FGF14: variants seen among roughly 807,000 people sequenced by gnomAD.
FGF14 encodes fibroblast growth factor 14, also known as fibroblast growth factor homologous factor 4.
FGF14 carries 5 observed loss-of-function variants against 25.5 expected under a neutral mutation model. That is an observed-to-expected ratio of 0.20 (90% CI 0.10 to 0.41). The LOEUF (loss-of-function observed/expected upper bound fraction) is 0.41. Among genes scored for constraint, FGF14 ranks in the 10% least tolerant of loss-of-function variants. The probability of loss-of-function intolerance (pLI) is 1.00; values close to 1 mark genes in which losing one functional copy is unlikely to be tolerated. For synonymous variants in FGF14, 138 were observed against 118.3 expected (o/e 1.17, Z -1.08); for missense variants, 222 against 320.1 (o/e 0.69, Z 2.34).
At chr13:101,873,802 C>T (rs920998338) in intron 2 of FGF14, among the ~76,000 whole-genome samples, 1 of 152,034 alleles carries the variant, frequency 6.6e-6, no homozygotes, top group Non-Finnish European at 1.5e-5. Flanking sequence ...GCATAAAACG[C>T]CTCCTCTTTC....
chr13:101,878,774 T>C (rs1430569558), intron 1 of FGF14, among the ~76,000 whole-genome samples: 1 of 152,062 alleles, frequency 6.6e-6, no homozygotes, highest in African/African-American at 2.4e-5. Flanking sequence ...TCATCCTAAA[T>C]GCACATACCT....
At chr13:102,312,616 G>A (rs2055827922) in intron 1 of FGF14, among the ~76,000 whole-genome samples, 2 of 152,120 alleles carry the variant, frequency 1.3e-5, no homozygotes, top group Non-Finnish European at 2.9e-5. Flanking sequence ...AGTGCTGTTA[G>A]GAATTCCAAC....
At chr13:102,120,722 G>C (rs1594036108) in intron 1 of FGF14, among the ~76,000 whole-genome samples, 1 of 130,310 alleles carries the variant, frequency 7.7e-6, no homozygotes, top group Middle Eastern at 4.7e-3. Context: ...TTTTTTTTTC[G>C]AGACAGAGTC....
chr13:101,831,217 A>G (rs534280728), intron 3 of FGF14, among the ~76,000 whole-genome samples: 19 of 151,724 alleles, frequency 1.3e-4, no homozygotes, highest in African/African-American at 4.3e-4. Context: ...CAGACGTCTA[A>G]TAAGTATTAC....
intron 1 of FGF14, among the ~76,000 whole-genome samples, chr13:102,205,381 T>A (rs769263251): frequency 3.3e-4 from 51 of 152,278 alleles, no homozygotes; most frequent in South Asian, 1.0e-3. Flanking sequence ...ATGGTAATTA[T>A]TGCTATTATT....
intron 1 of FGF14, among the ~76,000 whole-genome samples, chr13:102,001,339 A>C (rs2039485247): frequency 1.3e-5 from 2 of 152,142 alleles, no homozygotes; most frequent in African/African-American, 4.8e-5. Flanking sequence ...CCAGGAACAA[A>C]ATTTTTGAGT....
chr13:101,898,543 A>T (rs1408819295), intron 1 of FGF14, among the ~76,000 whole-genome samples: 4 of 152,108 alleles, frequency 2.6e-5, no homozygotes, highest in Non-Finnish European at 5.9e-5. Flanking sequence ...TTTACATACA[A>T]ATTTGGTGCT....
chr13:102,020,791 C>T (rs1244395990), intron 1 of FGF14, among the ~76,000 whole-genome samples: 1 of 151,964 alleles, frequency 6.6e-6, no homozygotes, highest in Non-Finnish European at 1.5e-5. Flanking sequence ...GGTCACTACA[C>T]AGATGGGATG....
intron 1 of FGF14, among the ~76,000 whole-genome samples, chr13:102,264,359 G>C (rs2052875755): frequency 6.6e-6 from 1 of 152,086 alleles, no homozygotes; most frequent in Non-Finnish European, 1.5e-5. Flanking sequence ...ATCTACTATT[G>C]ACATGGAAAG....
At chr13:102,006,148 T>A (rs1169654149) in intron 1 of FGF14, among the ~76,000 whole-genome samples, 1 of 152,150 alleles carries the variant, frequency 6.6e-6, no homozygotes, top group African/African-American at 2.4e-5. Flanking sequence ...AAGTTTAAAA[T>A]CTTATTGGGG....
intron 3 of FGF14, among the ~76,000 whole-genome samples, chr13:101,786,704 A>C (rs540479610): frequency 6.6e-6 from 1 of 152,332 alleles, no homozygotes; most frequent in African/African-American, 2.4e-5. Flanking sequence ...AAAGGCAATC[A>C]TATTGGGGGT....
At chr13:102,333,640 A>G (rs1029010517) in intron 1 of FGF14, among the ~76,000 whole-genome samples, 23 of 152,186 alleles carry the variant, frequency 1.5e-4, no homozygotes, top group African/African-American at 4.8e-4. Flanking sequence ...GAACATGTAA[A>G]CAGCTGTCAA....
chr13:101,876,985 T>G (rs869803), intron 1 of FGF14, among the ~76,000 whole-genome samples: 1 of 151,912 alleles, frequency 6.6e-6, no homozygotes, highest in Non-Finnish European at 1.5e-5. Context: ...TTTTTTATTA[T>G]TCTCTTGTCA....
chr13:102,298,879 C>T (rs2054874309), intron 1 of FGF14, among the ~76,000 whole-genome samples: 1 of 152,112 alleles, frequency 6.6e-6, no homozygotes, highest in African/African-American at 2.4e-5. Flanking sequence ...TTTCTAAGAA[C>T]TCTTAAGTAG....
intron 1 of FGF14, among the ~76,000 whole-genome samples, chr13:101,913,316 A>C (rs2033144623): frequency 6.6e-6 from 1 of 152,188 alleles, no homozygotes; most frequent in South Asian, 2.1e-4. Flanking sequence ...GGTGGGTTGC[A>C]GTCATGCTGC....
chr13:102,042,937 A>C (rs1042068110), intron 1 of FGF14, among the ~76,000 whole-genome samples: 12 of 152,204 alleles, frequency 7.9e-5, no homozygotes, highest in Non-Finnish European at 1.8e-4. Context: ...AACCTCCAGC[A>C]GTGACAACAA....
At chr13:102,025,717 A>G (rs73565756) in intron 1 of FGF14, among the ~76,000 whole-genome samples, 4,833 of 152,016 alleles carry the variant, frequency 0.032, 246 homozygotes, top group African/African-American at 0.11. Context: ...ACAGTATTGT[A>G]CTTCTTTTGT....
chr13:102,112,043 C>T (rs996439480), intron 1 of FGF14, among the ~76,000 whole-genome samples: 1 of 152,174 alleles, frequency 6.6e-6, no homozygotes, highest in Non-Finnish European at 1.5e-5. Flanking sequence ...GTCTAACATA[C>T]TTTAAACCCA....
At chr13:101,985,728 T>C (rs1320900627) in intron 1 of FGF14, among the ~76,000 whole-genome samples, 3 of 152,158 alleles carry the variant, frequency 2.0e-5, no homozygotes, top group Admixed American at 6.6e-5. Flanking sequence ...CATAAATTTG[T>C]GAACAATAAT....
Sources: gnomAD v4.1 joint callset for allele counts (sites outside exome capture counted in the v4.1 genomes callset) on GRCh38, gnomAD v4.1.1 for gene constraint, MANE v1.5 for transcripts, NCBI Gene and HGNC (gene_info 2026-07-23, HGNC 2026-07-21) for gene names.